Variants in DYNC2H1 observed in about 807,000 individuals in gnomAD.
DYNC2H1 encodes the protein dynein cytoplasmic 2 heavy chain 1.
In DYNC2H1, 410 loss-of-function variants were observed where a neutral mutation model predicts 570.0. The observed-to-expected ratio is 0.72, with a 90% CI of 0.66 to 0.78. DYNC2H1 has a LOEUF of 0.78. Ranked by LOEUF, DYNC2H1 falls within the 30% of genes least tolerant of loss-of-function variation. The pLI, the probability that DYNC2H1 is intolerant of heterozygous loss-of-function variation, is 0.00. For synonymous variants in DYNC2H1, 1,688 were observed against 1,677.6 expected, an observed-to-expected ratio of 1.01 and a Z score of -0.15; for missense variants, 4,865 against 5,046.4, an observed-to-expected ratio of 0.96 and a Z score of 1.09.
intron 70 of DYNC2H1, among the ~76,000 whole-genome samples, chr11:103,265,348 A>G (rs1314643445): frequency 6.6e-6 from 1 of 152,252 alleles, no homozygotes; most frequent in Non-Finnish European, 1.5e-5. Context: ...CTGCACGTTC[A>G]GCACAAGTAT....
Position 103,151,133 on chromosome 11 carries a change from G to A in DYNC2H1, c.2947-1003G>A, listed in dbSNP as rs1174092875. Among the ~76,000 whole-genome samples, 7 of 152,196 alleles carry A rather than the reference G, an allele frequency of 4.6e-5. No individual in the cohort carries two copies. The highest frequency in any genetic ancestry group is 2.1e-4 in the South Asian group (1 of 4,824). On this transcript the variant is annotated intron_variant, in intron 20 of 88. Coordinates refer to ENST00000375735, the MANE Select transcript of DYNC2H1 (RefSeq NM_001377.3). This position sits in a 1 kb window ranked among gnomAD's most constrained non-coding sequence, Gnocchi z 4.6. ...ACAGGCTAACTGGAGTTCCGTTCAC[G>A]TGTAGAAAATTAAAATCCTGAGGTG...
intron 84 of DYNC2H1, among the ~76,000 whole-genome samples, chr11:103,419,497 A>C (rs1943406120): frequency 6.6e-6 from 1 of 152,066 alleles, no homozygotes; most frequent in Non-Finnish European, 1.5e-5. Flanking sequence ...AGGAAAAATC[A>C]AGGCAACTAG....
At chr11:103,282,984 G>A (rs775866068) in intron 72 of DYNC2H1, 24 bp from the exon 73 acceptor site, 4 of 1,567,776 alleles carry the variant, frequency 2.6e-6, no homozygotes, top group East Asian at 2.3e-5. Flanking sequence ...AGTATACTAA[G>A]GAAAATAATT....
intron 85 of DYNC2H1, among the ~76,000 whole-genome samples, chr11:103,440,351 C>CTTT (rs1944222386): frequency 1.3e-5 from 2 of 152,130 alleles, no homozygotes; most frequent in Non-Finnish European, 2.9e-5. Context: ...TTAATACTTA[C>CTTT]AGTTCATTTT....
chr11:103,273,487 C>A (rs1261762926), intron 70 of DYNC2H1, among the ~76,000 whole-genome samples: 1 of 152,198 alleles, frequency 6.6e-6, no homozygotes, highest in Non-Finnish European at 1.5e-5. Context: ...TGGCACCCAG[C>A]CCCTTAATTT....
chr11:103,164,812 T>C (rs897100076), intron 30 of DYNC2H1, among the ~76,000 whole-genome samples: 2 of 152,210 alleles, frequency 1.3e-5, no homozygotes, highest in African/African-American at 4.8e-5. Flanking sequence ...CTCTAACTTT[T>C]GTTAGCCATT....
rs1866095867 is a variant in DYNC2H1 at position 103,280,689 on chromosome 11, G to A, written c.10761+276G>A. 6.6e-6 allele frequency among the ~76,000 whole-genome samples: 1 copy of A among 152,102 alleles called. No homozygotes were observed. The highest frequency in any genetic ancestry group is 2.4e-5 in the African/African-American group (1 of 41,440). ...TTCACTTACTTAGGGCAACAGAAGAGTCAGCCTTCTTCTTTTCCCGGCCTA... is the reference window on the plus strand; with the variant it reads ...TTCACTTACTTAGGGCAACAGAAGAATCAGCCTTCTTCTTTTCCCGGCCTA... On this transcript the variant is annotated intron_variant, in intron 71 of 88. Coordinates refer to ENST00000375735, the MANE Select transcript of DYNC2H1 (RefSeq NM_001377.3). The surrounding 1 kb of genome is among the most constrained non-coding windows in gnomAD (Gnocchi z 4.7).
Position 103,304,626 on chromosome 11 carries a change from C to T in DYNC2H1, c.11288C>T (p.Ala3763Val), listed in dbSNP as rs752101377. ...VAMGQGQADL[A>V]IQMLKECARN... ...ATGGGTCAAGGTCAAGCTGATTTAGCAATTCAAATGCTAAAAGAATGTGCC... is the reference window on the plus strand; with the variant it reads ...ATGGGTCAAGGTCAAGCTGATTTAGTAATTCAAATGCTAAAAGAATGTGCC... Residue 3763 changes from alanine to valine, a missense_variant, in exon 77 of 89, where the codon GCA becomes GTA. This residue lies in a region of DYNC2H1 where 2,401 missense variants were observed against 2,454.6 expected (regional missense o/e 0.98). Coordinates refer to ENST00000375735, the MANE Select transcript of DYNC2H1 (RefSeq NM_001377.3). 2 of 1,612,974 alleles carry T rather than the reference C, an allele frequency of 1.2e-6. No homozygotes were observed. The highest frequency in any genetic ancestry group is 1.7e-6 in the Non-Finnish European group (2 of 1,179,328).
In DYNC2H1 at chr11:103,257,606, A is replaced by G. The variant is rs1313315549; in HGVS notation, c.10462-2A>G. The G allele has an allele frequency of 1.6e-5, 25 of 1,608,390 alleles. No individual in the cohort carries two copies. The highest frequency in any genetic ancestry group is 2.7e-5 in the African/African-American group (2 of 74,740). On this transcript the variant is annotated splice_acceptor_variant, in intron 68 of 88. Coordinates refer to ENST00000375735, the MANE Select transcript of DYNC2H1 (RefSeq NM_001377.3). LOFTEE classifies it high-confidence loss of function. ...ATCCCCTACTGATCTCTTGATCCAT[A>G]GGAACGGGATGCCTATCTCCCCCTG...
intron 17 of DYNC2H1, among the ~76,000 whole-genome samples, chr11:103,141,531 C>G (rs992783294): frequency 1.3e-5 from 2 of 152,178 alleles, no homozygotes; most frequent in Non-Finnish European, 2.9e-5. Flanking sequence ...TTTCGTGAAC[C>G]ACGAATGCTG....
chr11:103,402,291 C>G (rs1942676463), intron 84 of DYNC2H1: 1 of 151,934 alleles, frequency 6.6e-6, no homozygotes, highest in Non-Finnish European at 1.5e-5. Flanking sequence ...GGTAAAATGC[C>G]CTGAAGAAAC....
intron 45 of DYNC2H1, among the ~76,000 whole-genome samples, chr11:103,191,027 TA>T (rs991266032): frequency 2.1e-4 from 27 of 126,030 alleles, no homozygotes; most frequent in Admixed American, 1.1e-3. Context: ...TATATATATA[TA>T]TTTTTTTTCT....
Position 103,189,662 on chromosome 11 carries a change from T to A in DYNC2H1, c.7293-10T>A. 2.5e-6 allele frequency: 4 copies of A among 1,581,032 alleles called. No individual in the cohort carries two copies. Among genetic ancestry groups the A allele is most frequent in the Non-Finnish European group, 3.5e-6 (4 of 1,157,154 alleles). ...ATTTCAGCTTTCTTCTTATATGCCATTTTTTTTAGTTACCCAGAAAGAGAG... is the reference window on the plus strand; with the variant it reads ...ATTTCAGCTTTCTTCTTATATGCCAATTTTTTTAGTTACCCAGAAAGAGAG... On this transcript the variant is annotated splice_polypyrimidine_tract_variant and intron_variant, in intron 44 of 88. Coordinates refer to ENST00000375735, the MANE Select transcript of DYNC2H1 (RefSeq NM_001377.3). This position sits in a 1 kb window ranked among gnomAD's most constrained non-coding sequence, Gnocchi z 4.3.
At chr11:103,187,814 C>T (rs1024158201) in intron 43 of DYNC2H1, among the ~76,000 whole-genome samples, 9 of 152,044 alleles carry the variant, frequency 5.9e-5, no homozygotes, top group African/African-American at 1.9e-4. Context: ...ATAGAAACAG[C>T]CTTCACTCTA....
intron 88 of DYNC2H1, among the ~76,000 whole-genome samples, chr11:103,475,494 A>C (rs1049011901): frequency 1.6e-4 from 25 of 152,332 alleles, no homozygotes; most frequent in African/African-American, 6.0e-4. Context: ...CTAATATAAT[A>C]GTGAGAATGC....
chr11:103,420,150 C>G (rs966861504), intron 84 of DYNC2H1, among the ~76,000 whole-genome samples: 2 of 151,718 alleles, frequency 1.3e-5, no homozygotes, highest in African/African-American at 4.8e-5. Context: ...AGAGACCTAA[C>G]CTCTGACTGA....
chr11:103,139,293 T>C (rs1859759262), intron 17 of DYNC2H1, among the ~76,000 whole-genome samples: 1 of 150,516 alleles, frequency 6.6e-6, no homozygotes, highest in Non-Finnish European at 1.5e-5. Context: ...CTAGTTCTTT[T>C]AATTGTGATG....
At chr11:103,455,397 A>T (rs1944752772) in intron 86 of DYNC2H1, 102 bp downstream of exon 86, 4 of 868,598 alleles carry the variant, frequency 4.6e-6, no homozygotes, top group Non-Finnish European at 7.4e-6. Flanking sequence ...AAATAAATTT[A>T]TTATTGAAAC....
chr11:103,439,759 C>G lies in DYNC2H1; in HGVS notation c.12456+3727C>G, dbSNP rs1284108278. On this transcript the variant is annotated intron_variant, in intron 85 of 88. Transcript: ENST00000375735. The surrounding 1 kb of genome is among the most constrained non-coding windows in gnomAD (Gnocchi z 4.1). ...TTAAAAAAAAAATTCCACTATATTT[C>G]CAATACCTATATACTGTCTGCTGAA... Among the ~76,000 whole-genome samples the G allele has an allele frequency of 1.3e-5, 2 of 152,154 alleles. No individual in the cohort carries two copies. The highest frequency in any genetic ancestry group is 3.9e-4 in the East Asian group (2 of 5,174).
Sources: allele counts gnomAD v4.1 joint callset (sites outside exome capture counted in the v4.1 genomes callset), GRCh38; gene constraint gnomAD v4.1.1; regional missense constraint gnomAD v4.1.1; non-coding constraint Gnocchi (gnomAD v3.1); transcripts MANE v1.5; gene names NCBI Gene and HGNC (gene_info 2026-07-23, HGNC 2026-07-21).